DBNL: variants seen among roughly 807,000 people sequenced by gnomAD.
DBNL encodes drebrin-like protein.
A neutral mutation model predicts 62.2 loss-of-function variants in DBNL; 35 were observed. That is an observed-to-expected ratio of 0.56 (90% CI 0.43 to 0.75). DBNL has a LOEUF of 0.75. Ranked by LOEUF, DBNL falls within the 30% of genes least tolerant of loss-of-function variation. The pLI is 0.00. For missense variants in DBNL, 495 were observed against 578.4 expected (o/e 0.86, Z 1.48); for synonymous variants, 197 against 218.0 (o/e 0.90, Z 0.85).
chr7:44,064,800 C>CCCCCG lies in DBNL; in HGVS notation c.*3884_*3885insCCCCG. 8.1e-7 allele frequency: 1 copy of CCCCCG among 1,231,536 alleles called. No individual in the cohort carries two copies. 76.3% of individuals were successfully genotyped at this position (1,231,536 alleles called of 1,614,324 possible). ...AAGCCAGCTGGGGCTGCTGCCCACCCACCCTGCCCAGGCTCCTGAAGGTGG... is the reference window on the plus strand; with the variant it reads ...AAGCCAGCTGGGGCTGCTGCCCACCCCCCCGACCCTGCCCAGGCTCCTGAAGGTGG... On this transcript the variant is annotated 3_prime_UTR_variant, in exon 13 of 13. Transcript: ENST00000448521.
At chr7:44,054,647 A>G (rs182844874) in intron 4 of DBNL, among the ~76,000 whole-genome samples, 59 of 152,206 alleles carry the variant, frequency 3.9e-4, no homozygotes, top group Admixed American at 6.5e-4. Flanking sequence ...GAACATTACA[A>G]TTTTTCTCTT....
At position 44,064,949 on chromosome 7, in the gene DBNL, T is replaced by A. The variant is rs1352617775; in HGVS notation, c.*4033T>A. Reference sequence around the variant, plus strand: ...TTCCAGAAGGGCAGGGCCCGGGCAATGGTGTCCTTGAGGCTCTCGCAGGTG... The same window carrying A: ...TTCCAGAAGGGCAGGGCCCGGGCAAAGGTGTCCTTGAGGCTCTCGCAGGTG... On this transcript the variant is annotated 3_prime_UTR_variant, in exon 13 of 13. Transcript: ENST00000448521. The A allele has an allele frequency of 6.2e-7, 1 of 1,609,248 alleles. No homozygotes were observed. The highest frequency in any genetic ancestry group is 1.3e-5 in the African/African-American group (1 of 74,898).
chr7:44,064,625 G>A lies in DBNL; in HGVS notation c.*3709G>A, dbSNP rs993405315. On this transcript the variant is annotated 3_prime_UTR_variant, in exon 13 of 13. Coordinates refer to ENST00000448521, the MANE Select transcript of DBNL (RefSeq NM_001014436.3). The stretch of plus-strand genomic sequence containing the variant: ...ACACAGCGAGCTTCGAGTGCAGTCA[G>A]CCCCTGTGGAGTGTGTCCCAGTTAC... The A allele has an allele frequency of 2.5e-5, 15 of 602,054 alleles. No individual in the cohort carries two copies. Among genetic ancestry groups the A allele is most frequent in the Non-Finnish European group, 5.9e-6 (2 of 336,438 alleles). 37.3% of individuals were successfully genotyped at this position (602,054 alleles called of 1,614,324 possible).
At position 44,044,773 on chromosome 7, in the gene DBNL, G is replaced by A. The variant is rs1236042607; in HGVS notation, c.36G>A (p.Leu12=). 1.8e-5 allele frequency: 27 copies of A among 1,507,728 alleles called. No individual in the cohort carries two copies. Among genetic ancestry groups the A allele is most frequent in the Middle Eastern group, 1.7e-4 (1 of 5,856 alleles). The allele number at this position is 1,507,728 out of a possible 1,614,324, so 93.4% of individuals were successfully genotyped here. Residue 12 remains leucine (L), a synonymous_variant, in exon 1 of 13, where the codon CTG becomes CTA. Coordinates refer to ENST00000448521, the MANE Select transcript of DBNL (RefSeq NM_001014436.3). ...AANLSRNGPA[L]QEAYVRVVTE... ...ACCTGAGCCGGAACGGGCCAGCGCTGCAAGAGGCCTACGTGCGGGTGGTCA... is the reference window on the plus strand; with the variant it reads ...ACCTGAGCCGGAACGGGCCAGCGCTACAAGAGGCCTACGTGCGGGTGGTCA...
At position 44,065,609 on chromosome 7, in the gene DBNL, C is replaced by T; in HGVS notation, c.*4693C>T. 7.2e-7 allele frequency: 1 copy of T among 1,381,172 alleles called. No homozygotes were observed. The highest frequency in any genetic ancestry group is 1.0e-6 in the Non-Finnish European group (1 of 981,898). The allele number at this position is 1,381,172 out of a possible 1,614,324, so 85.6% of individuals were successfully genotyped here. A position where few individuals can be genotyped will look rare whatever the true frequency, so the allele number is the denominator to read the frequency against. On this transcript the variant is annotated 3_prime_UTR_variant, in exon 13 of 13. Transcript: ENST00000448521. ...TCCCAGCTTTATAATAGTGTCTTCC[C>T]AGCCCCCACCCACCCCAGCCAACTG... is the stretch of plus-strand genomic sequence containing the variant.
chr7:44,065,308 C>T lies in DBNL; in HGVS notation c.*4392C>T, dbSNP rs778951143. On this transcript the variant is annotated 3_prime_UTR_variant, in exon 13 of 13. Transcript: ENST00000448521. ...GCACCACAGGCAGCCACATCTGGTC[C>T]GTGCCGTCCAGGATGGCCCAGAGGG... 1.5e-5 allele frequency: 24 copies of T among 1,613,602 alleles called. No homozygotes were observed. The highest frequency in any genetic ancestry group is 4.4e-5 in the South Asian group (4 of 91,092).
chr7:44,050,437 T>A, intron 2 of DBNL, 157 bp downstream of exon 2: 1 of 670,426 alleles, frequency 1.5e-6, no homozygotes, highest in Non-Finnish European at 2.6e-6. Flanking sequence ...TATGTGTAAG[T>A]GAAAACATTC....
At position 44,056,829 on chromosome 7, in the gene DBNL, A is replaced by G; in HGVS notation, c.400A>G (p.Lys134Glu). The G allele has an allele frequency of 1.9e-6, 3 of 1,614,112 alleles. No homozygotes were observed. The highest frequency in any genetic ancestry group is 2.5e-6 in the Non-Finnish European group (3 of 1,180,016). ...TGAGTGCATCATGGAGAAGGTGGCC[A>G]AGGCTTCAGGTGCCAACTACAGCTT... The part of the protein sequence containing the change: ...EPECIMEKVA[K>E]ASGANYSFHK... Residue 134 changes from lysine (K) to glutamate (E), a missense_variant, in exon 5 of 13, where the codon AAG (lysine) becomes GAG (glutamate). By Grantham distance (56) the Lys-to-Glu change is moderately conservative (BLOSUM62 1). Transcript: ENST00000448521.
In DBNL at chr7:44,051,752, G is replaced by A. The variant is rs189141951; in HGVS notation, c.140-78G>A. The A allele has an allele frequency of 2.6e-3, 3,620 of 1,370,792 alleles. 18 individuals are homozygous for A. Among genetic ancestry groups the A allele is most frequent in the Admixed American group, 4.4e-3 (242 of 54,662 alleles). The allele number at this position is 1,370,792 out of a possible 1,614,324, so 84.9% of individuals were successfully genotyped here. ...AGAAGCCCTGGTTTAGAAGCAGCTC[G>A]GCCTCCCTTCATGGTGGGACCAGGG... On this transcript the variant is annotated intron_variant, in intron 2 of 12. Coordinates refer to ENST00000448521, the MANE Select transcript of DBNL (RefSeq NM_001014436.3).
Position 44,059,774 on chromosome 7 carries a change from T to C in DBNL, c.1047+116T>C, listed in dbSNP as rs894913659. ...ACAGGTTTTAAAGCACATGCATTTT[T>C]GGAGCAGCCCTGTGTTATAAATTGT... is the stretch of plus-strand genomic sequence containing the variant. On this transcript the variant is annotated intron_variant, in intron 11 of 12. Transcript: ENST00000448521. The surrounding 1 kb of genome is among the most constrained non-coding windows in gnomAD (Gnocchi z 4.1). The C allele has an allele frequency of 9.5e-7, 1 of 1,049,938 alleles. No individual in the cohort carries two copies. Among genetic ancestry groups the C allele is most frequent in the African/African-American group, 1.6e-5 (1 of 63,010 alleles). 65.0% of individuals were successfully genotyped at this position (1,049,938 alleles called of 1,614,324 possible).
chr7:44,064,803 C>A lies in DBNL; in HGVS notation c.*3887C>A. The stretch of plus-strand genomic sequence containing the variant: ...CCAGCTGGGGCTGCTGCCCACCCAC[C>A]CTGCCCAGGCTCCTGAAGGTGGCCT... On this transcript the variant is annotated 3_prime_UTR_variant, in exon 13 of 13. Coordinates refer to ENST00000448521, the MANE Select transcript of DBNL (RefSeq NM_001014436.3). The A allele has an allele frequency of 7.0e-7, 1 of 1,431,518 alleles. No homozygotes were observed. Among genetic ancestry groups the A allele is most frequent in the Non-Finnish European group, 9.6e-7 (1 of 1,036,662 alleles). The allele number at this position is 1,431,518 out of a possible 1,614,324, so 88.7% of individuals were successfully genotyped here.
At chr7:44,054,299 T>C (rs1253388353) in intron 4 of DBNL, among the ~76,000 whole-genome samples, 1 of 152,176 alleles carries the variant, frequency 6.6e-6, no homozygotes, top group Admixed American at 6.5e-5. Flanking sequence ...TTCAAGTGAT[T>C]TTCCTGCCTC....
chr7:44,061,019 C>T lies in DBNL; in HGVS notation c.*103C>T, dbSNP rs556417291. 1 of 1,459,288 alleles carries T rather than the reference C, an allele frequency of 6.9e-7. No individual in the cohort carries two copies. The highest frequency in any genetic ancestry group is 1.4e-5 in the African/African-American group (1 of 71,204). The allele number at this position is 1,459,288 out of a possible 1,614,324, so 90.4% of individuals were successfully genotyped here. A position where few individuals can be genotyped will look rare whatever the true frequency, so the allele number is the denominator to read the frequency against. On this transcript the variant is annotated 3_prime_UTR_variant, in exon 13 of 13. Coordinates refer to ENST00000448521, the MANE Select transcript of DBNL (RefSeq NM_001014436.3). ...TTCAGCACTCTTCCAGGAATAGGAC[C>T]CCCAGTGAGGATGAGGCCTCAGGGC... is the stretch of plus-strand genomic sequence containing the variant.
chr7:44,050,318 G>A, intron 2 of DBNL, 38 bp downstream of exon 2: 1 of 1,611,222 alleles, frequency 6.2e-7, no homozygotes, highest in African/African-American at 1.3e-5. Flanking sequence ...GACACCAGGA[G>A]GTAGGAGGGT....
At chr7:44,051,656 T>A (rs1230571694) in intron 2 of DBNL, 174 bp from the exon 3 acceptor site, 4 of 590,042 alleles carry the variant, frequency 6.8e-6, no homozygotes, top group Non-Finnish European at 1.2e-5. Flanking sequence ...ATCAATCAGT[T>A]TAGTGAGGGT....
Position 44,064,808 on chromosome 7 carries a change from CCAG to C in DBNL, c.*3893_*3895del. ...TGGGGCTGCTGCCCACCCACCCTGC[CCAG>C]GCTCCTGAAGGTGGCCTCACCTTCC... On this transcript the variant is annotated 3_prime_UTR_variant, in exon 13 of 13. Transcript: ENST00000448521. 1 of 1,553,276 alleles carries C rather than the reference CCAG, an allele frequency of 6.4e-7. No homozygotes were observed. Among genetic ancestry groups the C allele is most frequent in the Non-Finnish European group, 8.8e-7 (1 of 1,142,344 alleles).
intron 1 of DBNL, among the ~76,000 whole-genome samples, chr7:44,048,465 G>A (rs2096121083): frequency 6.6e-6 from 1 of 152,126 alleles, no homozygotes; most frequent in African/African-American, 2.4e-5. Context: ...CCTGTATTCT[G>A]TCTCCCCTCC....
Position 44,059,770 on chromosome 7 carries a change from T to C in DBNL, c.1047+112T>C. On this transcript the variant is annotated intron_variant, in intron 11 of 12. Transcript: ENST00000448521. The surrounding 1 kb of genome is among the most constrained non-coding windows in gnomAD (Gnocchi z 4.1). ...TGCAACAGGTTTTAAAGCACATGCA[T>C]TTTTGGAGCAGCCCTGTGTTATAAA... 1 of 1,071,128 alleles carries C rather than the reference T, an allele frequency of 9.3e-7. No homozygotes were observed. The allele number at this position is 1,071,128 out of a possible 1,614,324, so 66.4% of individuals were successfully genotyped here.
chr7:44,055,622 C>T (rs996843989), intron 4 of DBNL, among the ~76,000 whole-genome samples: 3 of 152,092 alleles, frequency 2.0e-5, no homozygotes, highest in Admixed American at 6.6e-5. Flanking sequence ...GAGATGATAG[C>T]CCGTTATGGT....
Sources: allele counts gnomAD v4.1 joint callset (sites outside exome capture counted in the v4.1 genomes callset), GRCh38; gene constraint gnomAD v4.1.1; non-coding constraint Gnocchi (gnomAD v3.1); transcripts MANE v1.5; gene names NCBI Gene and HGNC (gene_info 2026-07-23, HGNC 2026-07-21).